Variants in PTPRD observed in about 807,000 individuals in gnomAD.
PTPRD encodes receptor-type tyrosine-protein phosphatase delta.
Under a neutral mutation model 214.5 loss-of-function variants are expected in PTPRD, and 34 were observed. The observed-to-expected ratio is 0.16, with a 90% CI of 0.12 to 0.21. The LOEUF (loss-of-function observed/expected upper bound fraction) is 0.21. Among genes scored for constraint, PTPRD ranks in the 10% least tolerant of loss-of-function variants. The probability of loss-of-function intolerance (pLI) is 1.00; values close to 1 mark genes in which losing one functional copy is unlikely to be tolerated. For synonymous variants in PTPRD, 1,128 were observed against 845.7 expected, an observed-to-expected ratio of 1.33 and a Z score of -5.79; for missense variants, 2,545 against 2,398.7, an observed-to-expected ratio of 1.06 and a Z score of -1.27.
At chr9:9,634,952 A>G (rs1020177273) in intron 7 of PTPRD, among the ~76,000 whole-genome samples, 4 of 152,218 alleles carry the variant, frequency 2.6e-5, no homozygotes, top group Non-Finnish European at 4.4e-5. Flanking sequence ...TAGGAGGCAA[A>G]GAAAAGATTT....
chr9:9,571,149 T>C (rs570442351), intron 8 of PTPRD, among the ~76,000 whole-genome samples: 167 of 151,612 alleles, frequency 1.1e-3, no homozygotes, highest in African/African-American at 3.7e-3. Flanking sequence ...AAAAGGTGTA[T>C]ACTGCAACCT....
intron 8 of PTPRD, among the ~76,000 whole-genome samples, chr9:9,416,242 G>T (rs867282987): frequency 2.4e-4 from 37 of 152,226 alleles, no homozygotes; most frequent in African/African-American, 8.7e-4. Context: ...TGAAATTAGA[G>T]AACTCATTCT....
chr9:8,860,865 C>T (rs2098089184), intron 11 of PTPRD: 1 of 152,316 alleles, frequency 6.6e-6, no homozygotes, highest in African/African-American at 2.4e-5. Flanking sequence ...CATCATGATC[C>T]AGTGCCCTCC....
At chr9:9,636,477 T>A (rs1447857572) in intron 7 of PTPRD, among the ~76,000 whole-genome samples, 1 of 151,976 alleles carries the variant, frequency 6.6e-6, no homozygotes, top group Non-Finnish European at 1.5e-5. Context: ...TACAGTTATA[T>A]AGATATTGAT....
At chr9:9,503,130 G>C (rs989203201) in intron 8 of PTPRD, among the ~76,000 whole-genome samples, 1 of 151,748 alleles carries the variant, frequency 6.6e-6, no homozygotes, top group African/African-American at 2.4e-5. Flanking sequence ...AAGGGACTTG[G>C]TTGGTAGTTG....
intron 9 of PTPRD, among the ~76,000 whole-genome samples, chr9:9,307,431 C>G (rs1440205513): frequency 1.3e-5 from 2 of 152,112 alleles, no homozygotes; most frequent in African/African-American, 4.8e-5. Flanking sequence ...TATGTCTTTT[C>G]CTGCACCATC....
At chr9:10,554,712 C>G (rs768403908) in intron 2 of PTPRD, among the ~76,000 whole-genome samples, 6 of 152,090 alleles carry the variant, frequency 3.9e-5, no homozygotes, top group Non-Finnish European at 5.9e-5. Context: ...TCAGACTGGA[C>G]TGCAGTGGCA....
chr9:8,962,526 G>A (rs756173614), intron 11 of PTPRD, among the ~76,000 whole-genome samples: 1 of 128,220 alleles, frequency 7.8e-6, no homozygotes, highest in Non-Finnish European at 1.8e-5. Flanking sequence ...AGGAGAAAAG[G>A]AAGAAGAGAG....
intron 11 of PTPRD, among the ~76,000 whole-genome samples, chr9:8,979,163 T>C (rs939538961): frequency 6.6e-6 from 1 of 152,190 alleles, no homozygotes; most frequent in Non-Finnish European, 1.5e-5. Flanking sequence ...ATTCAAAAGA[T>C]TATTTTTCAA....
At chr9:9,933,178 A>C (rs1186456128) in intron 5 of PTPRD, among the ~76,000 whole-genome samples, 1 of 152,268 alleles carries the variant, frequency 6.6e-6, no homozygotes, top group Non-Finnish European at 1.5e-5. Flanking sequence ...ACTAACGTGC[A>C]AAATAACCAG....
intron 2 of PTPRD, among the ~76,000 whole-genome samples, chr9:10,431,704 A>G (rs1180015832): frequency 1.3e-5 from 2 of 152,310 alleles, no homozygotes; most frequent in Admixed American, 6.5e-5. Context: ...ATCACTGGCC[A>G]TCAGAGAAAT....
intron 3 of PTPRD, among the ~76,000 whole-genome samples, chr9:10,153,638 T>C (rs2083618): frequency 0.19 from 28,716 of 151,950 alleles, 2,945 homozygotes; most frequent in Admixed American, 0.32. Context: ...ATTTTGTCAC[T>C]CAACTATTAA....
intron 11 of PTPRD, among the ~76,000 whole-genome samples, chr9:8,972,447 T>C (rs996277673): frequency 1.3e-5 from 2 of 151,230 alleles, no homozygotes; most frequent in African/African-American, 4.9e-5. Flanking sequence ...TACATACTAA[T>C]TGTCTTAGAA....
intron 2 of PTPRD, among the ~76,000 whole-genome samples, chr9:10,356,124 TC>T (rs202194476): frequency 3.4e-4 from 51 of 151,380 alleles, no homozygotes; most frequent in East Asian, 2.5e-3. Context: ...TTTTTTTTTT[TC>T]AGGTATTTGT....
intron 10 of PTPRD, among the ~76,000 whole-genome samples, chr9:9,035,103 T>G (rs1054656310): frequency 5.3e-5 from 8 of 152,102 alleles, no homozygotes; most frequent in African/African-American, 1.7e-4. Context: ...CACTAAATAT[T>G]TGTATTCATA....
intron 2 of PTPRD, among the ~76,000 whole-genome samples, chr9:10,551,144 G>A (rs754755485): frequency 4.6e-5 from 7 of 151,994 alleles, no homozygotes; most frequent in African/African-American, 7.3e-5. Context: ...GACCAGCCTG[G>A]GCAACAGAGT....
At position 8,341,983 on chromosome 9, in the gene PTPRD, G is replaced by T. The variant is rs1368145088; in HGVS notation, c.4662-5C>A. ...CCAGTCCGGCCAACTCCCGCACTAT[G>T]AGGAAAATAGAGAAGAAAAGCCCAA... On this transcript the variant is annotated splice_region_variant and splice_polypyrimidine_tract_variant and intron_variant, in intron 39 of 45. Coordinates refer to ENST00000381196, the MANE Select transcript of PTPRD (RefSeq NM_002839.4). 9 of 1,584,622 alleles carry T rather than the reference G, an allele frequency of 5.7e-6. No individual in the cohort carries two copies. Among genetic ancestry groups the T allele is most frequent in the African/African-American group, 1.4e-5 (1 of 73,316 alleles).
chr9:10,520,063 A>G (rs988078634), intron 2 of PTPRD, among the ~76,000 whole-genome samples: 1 of 152,170 alleles, frequency 6.6e-6, no homozygotes, highest in Non-Finnish European at 1.5e-5. Flanking sequence ...AGAGTCCCAT[A>G]TCCCTCCATT....
chr9:9,298,604 T>C lies in PTPRD; in HGVS notation c.-203+98845A>G, dbSNP rs544280178. 2.0e-5 allele frequency among the ~76,000 whole-genome samples: 3 copies of C among 151,852 alleles called. No homozygotes were observed. In the South Asian group the frequency reaches 6.2e-4, roughly 31 times the overall value. On this transcript the variant is annotated intron_variant, in intron 9 of 45. Coordinates refer to ENST00000381196, the MANE Select transcript of PTPRD (RefSeq NM_002839.4). ...GAAGTGTTTTGCAATGCTGCAAAGATTATGATAACCAAATCAGTAGAGGAG... is the reference window on the plus strand; with the variant it reads ...GAAGTGTTTTGCAATGCTGCAAAGACTATGATAACCAAATCAGTAGAGGAG...
Sources: gnomAD v4.1 joint callset for allele counts (sites outside exome capture counted in the v4.1 genomes callset) on GRCh38, gnomAD v4.1.1 for gene constraint, MANE v1.5 for transcripts, NCBI Gene and HGNC (gene_info 2026-07-23, HGNC 2026-07-21) for gene names.